The following PPP1R9A variants were observed in gnomAD, a reference collection of about 807,000 sequenced individuals.
The protein encoded by PPP1R9A is protein phosphatase 1 regulatory subunit 9A.
Under a neutral mutation model 141.9 loss-of-function variants are expected in PPP1R9A, and 59 were observed. That is an observed-to-expected ratio of 0.42 (90% CI 0.34 to 0.52). PPP1R9A has a LOEUF of 0.52. Among genes scored for constraint, PPP1R9A ranks in the 20% least tolerant of loss-of-function variants. PPP1R9A has a pLI of 0.10. For missense variants in PPP1R9A, 1,444 were observed against 1,611.9 expected (o/e 0.90, Z 1.78); for synonymous variants, 500 against 569.7 (o/e 0.88, Z 1.74).
At chr7:95,023,649 T>C (rs1584323365) in intron 2 of PPP1R9A, among the ~76,000 whole-genome samples, 1 of 151,924 alleles carries the variant, frequency 6.6e-6, no homozygotes, top group South Asian at 2.1e-4. Context: ...TGCCTCCTGG[T>C]TTCACGCCAT....
At chr7:95,260,013 T>C (rs1800185738) in intron 12 of PPP1R9A, among the ~76,000 whole-genome samples, 1 of 152,196 alleles carries the variant, frequency 6.6e-6, no homozygotes, top group South Asian at 2.1e-4. Context: ...ATTTTGACCA[T>C]GAAATATTGA....
chr7:95,234,218 G>A (rs1360701019), intron 8 of PPP1R9A, among the ~76,000 whole-genome samples: 9 of 152,144 alleles, frequency 5.9e-5, no homozygotes, highest in Admixed American at 5.9e-4. Context: ...ATCCAAATCA[G>A]TAAAGAGGAA....
intron 2 of PPP1R9A, among the ~76,000 whole-genome samples, chr7:94,949,065 C>G (rs906925475): frequency 6.6e-6 from 1 of 152,050 alleles, no homozygotes; most frequent in Admixed American, 6.6e-5. Flanking sequence ...TTCTTAAATA[C>G]CAAGGGAGAA....
intron 3 of PPP1R9A, among the ~76,000 whole-genome samples, chr7:95,114,127 G>T (rs921218300): frequency 6.6e-6 from 1 of 152,098 alleles, no homozygotes; most frequent in Non-Finnish European, 1.5e-5. Context: ...ATTCATCAAT[G>T]GTAGAAAGGG....
intron 3 of PPP1R9A, among the ~76,000 whole-genome samples, chr7:95,114,953 T>G (rs1000120082): frequency 1.4e-5 from 2 of 147,872 alleles, no homozygotes; most frequent in African/African-American, 4.9e-5. Flanking sequence ...AAAAGCTATA[T>G]CCTTGATTTC....
At chr7:95,051,428 G>A (rs140279550) in intron 2 of PPP1R9A, among the ~76,000 whole-genome samples, 233 of 152,182 alleles carry the variant, frequency 1.5e-3, no homozygotes, top group African/African-American at 5.3e-3. Context: ...CTCCAACTTT[G>A]TTCTTCTCCT....
chr7:95,042,454 T>C (rs892948448), intron 2 of PPP1R9A, among the ~76,000 whole-genome samples: 31 of 152,224 alleles, frequency 2.0e-4, no homozygotes, highest in Non-Finnish European at 4.0e-4. Context: ...GACCTTGTTT[T>C]TGCATGAAGG....
intron 2 of PPP1R9A, among the ~76,000 whole-genome samples, chr7:95,053,017 G>C (rs1811027402): frequency 1.3e-5 from 2 of 152,074 alleles, no homozygotes; most frequent in Non-Finnish European, 2.9e-5. Context: ...GCCTATTATT[G>C]ACTAAGCCCC....
rs1584487522 is a variant in PPP1R9A, at chr7:94,980,273, C to T, written c.1395+68765C>T. ...GGGCCGCTTTCAAAGCCACCCTGGG[C>T]CTCATGCGGCCCGTGGGCCACAGGT... On this transcript the variant is annotated intron_variant, in intron 2 of 19. Transcript: ENST00000433360. 2.0e-5 allele frequency among the ~76,000 whole-genome samples: 3 copies of T among 152,056 alleles called. No individual in the cohort carries two copies. The South Asian group carries it at 6.2e-4, about 32-fold the overall frequency.
At chr7:95,162,754 T>C (rs1830631092) in intron 5 of PPP1R9A, among the ~76,000 whole-genome samples, 1 of 152,208 alleles carries the variant, frequency 6.6e-6, no homozygotes, top group South Asian at 2.1e-4. Flanking sequence ...CTGAAAATAT[T>C]AATGAGTTAA....
At chr7:95,034,436 T>G (rs6945160) in intron 2 of PPP1R9A, among the ~76,000 whole-genome samples, 14,403 of 152,226 alleles carry the variant, frequency 0.095, 763 homozygotes, top group Admixed American at 0.15. Context: ...TTTGTTTCTT[T>G]TTTGAGACTA....
intron 2 of PPP1R9A, among the ~76,000 whole-genome samples, chr7:95,029,804 A>G (rs1807401719): frequency 6.6e-6 from 1 of 151,930 alleles, no homozygotes. Flanking sequence ...CATGTGTTTG[A>G]TTTCATATTT....
At chr7:94,983,143 T>C (rs1800339186) in intron 2 of PPP1R9A, among the ~76,000 whole-genome samples, 1 of 152,178 alleles carries the variant, frequency 6.6e-6, no homozygotes, top group Non-Finnish European at 1.5e-5. Flanking sequence ...TGGTTGTAGA[T>C]GTGTGGTGTT....
intron 2 of PPP1R9A, among the ~76,000 whole-genome samples, chr7:94,990,628 A>G (rs1010352158): frequency 1.3e-5 from 2 of 152,108 alleles, no homozygotes; most frequent in Admixed American, 6.6e-5. Flanking sequence ...TTACAATACT[A>G]TAGAACACTA....
chr7:94,978,518 C>T (rs1436078559), intron 2 of PPP1R9A, among the ~76,000 whole-genome samples: 2 of 152,154 alleles, frequency 1.3e-5, no homozygotes, highest in African/African-American at 4.8e-5. Flanking sequence ...TTCTTGGAGG[C>T]TGCTTAAAAA....
Position 94,935,475 on chromosome 7 carries a change from C to T in PPP1R9A, c.1395+23967C>T, listed in dbSNP as rs183695195. ...TCTTAGAAAATCATAAAGCTATTAA[C>T]GTATGCAGGGCCCCTGAAAGACCAC... On this transcript the variant is annotated intron_variant, in intron 2 of 19. Coordinates refer to ENST00000433360, the MANE Select transcript of PPP1R9A (RefSeq NM_001166160.2). 3.7e-3 allele frequency among the ~76,000 whole-genome samples: 567 copies of T among 152,278 alleles called. 3 individuals are homozygous for T. The highest frequency in any genetic ancestry group is 0.013 in the African/African-American group (524 of 41,572).
chr7:95,078,832 T>A (rs1235258686), intron 2 of PPP1R9A, among the ~76,000 whole-genome samples: 1 of 151,882 alleles, frequency 6.6e-6, no homozygotes, highest in Admixed American at 6.6e-5. Flanking sequence ...GGGTTGTTTG[T>A]TTTTTTCTTG....
At chr7:94,966,271 C>T (rs923962043) in intron 2 of PPP1R9A, among the ~76,000 whole-genome samples, 15 of 152,222 alleles carry the variant, frequency 9.9e-5, no homozygotes, top group Non-Finnish European at 2.2e-4. Context: ...ATGTCATCTG[C>T]AAACAGAGAC....
chr7:95,280,777 G>A (rs763685995), intron 16 of PPP1R9A, among the ~76,000 whole-genome samples: 2 of 152,074 alleles, frequency 1.3e-5, no homozygotes, highest in Admixed American at 6.6e-5. Context: ...TACCAATCTC[G>A]ATTTTGGGGA....
Sources: allele counts gnomAD v4.1 joint callset (sites outside exome capture counted in the v4.1 genomes callset), GRCh38; gene constraint gnomAD v4.1.1; transcripts MANE v1.5; gene names NCBI Gene and HGNC (gene_info 2026-07-23, HGNC 2026-07-21).